The following TRARG1 variants were observed in gnomAD, a reference collection of about 807,000 sequenced individuals.
The protein encoded by TRARG1 is trafficking regulator of GLUT4 1.
TRARG1 carries 16 observed loss-of-function variants against 13.3 expected under a neutral mutation model. The observed-to-expected ratio is 1.20, with a 90% confidence interval of 0.81 to 1.83. The LOEUF is 1.83. Ranked by LOEUF, TRARG1 falls within the 40% of genes most tolerant of loss-of-function variation. The pLI is 0.00. For missense variants in TRARG1, 250 were observed against 237.4 expected, an observed-to-expected ratio of 1.05 and a Z score of -0.35; for synonymous variants, 113 against 106.2, an observed-to-expected ratio of 1.06 and a Z score of -0.39.
rs10625360 is a variant in TRARG1, at chr17:1,300,449, TACAC to T, written c.*2206_*2209del. 1.4e-3 allele frequency: 213 copies of T among 149,570 alleles called. No homozygotes were observed. Among genetic ancestry groups the T allele is most frequent in the African/African-American group, 3.5e-3 (142 of 40,850 alleles). The allele number at this position is 149,570 out of a possible 1,614,324, so 9.3% of individuals were successfully genotyped here. A position where few individuals can be genotyped will look rare whatever the true frequency, so the allele number is the denominator to read the frequency against. ...ACAAATAGGCTCTGCCGTGCACTCC[TACAC>T]ACACACACACACACACACACGCTTG... On this transcript the variant is annotated 3_prime_UTR_variant, in exon 3 of 3. Coordinates refer to ENST00000333813, the MANE Select transcript of TRARG1 (RefSeq NM_172367.3).
chr17:1,284,868 T>G (rs371256673), intron 1 of TRARG1, among the ~76,000 whole-genome samples: 5 of 151,754 alleles, frequency 3.3e-5, no homozygotes, highest in South Asian at 2.1e-4. Flanking sequence ...TTTTAGTAGA[T>G]ACGGGGTTTC....
At position 1,296,574 on chromosome 17, in the gene TRARG1, T is replaced by C. The variant is rs150247801; in HGVS notation, c.520+951T>C. On this transcript the variant is annotated intron_variant, in intron 2 of 2. Transcript: ENST00000333813. ...TTGCCCAGGCTGGACTGCAGTGGCA[T>C]GATCTCAGCTCACTGCAACCTCCAC... Among the ~76,000 whole-genome samples the C allele has an allele frequency of 7.6e-3, 1,131 of 148,300 alleles. 17 individuals carry two copies. Among genetic ancestry groups the C allele is most frequent in the African/African-American group, 0.026 (1,053 of 40,236 alleles).
intron 1 of TRARG1, among the ~76,000 whole-genome samples, chr17:1,294,322 C>A (rs1429156429): frequency 6.6e-6 from 1 of 152,082 alleles, no homozygotes; most frequent in Non-Finnish European, 1.5e-5. Flanking sequence ...TAAAACAAGG[C>A]CCCCGTGAAG....
chr17:1,283,808 C>CA (rs67263348), intron 1 of TRARG1, among the ~76,000 whole-genome samples: 85,237 of 146,840 alleles, frequency 0.58, 24,877 homozygotes, highest in Admixed American at 0.69. Context: ...GATTCTATCT[C>CA]AAAAAAAATA....
chr17:1,291,690 T>C (rs1241917137), intron 1 of TRARG1, among the ~76,000 whole-genome samples: 1 of 152,082 alleles, frequency 6.6e-6, no homozygotes, highest in Non-Finnish European at 1.5e-5. Context: ...AGATACACGT[T>C]CAAAGAGTGC....
Position 1,300,232 on chromosome 17 carries a change from C to T in TRARG1, c.*1968C>T, listed in dbSNP as rs2072145061. 6.6e-6 allele frequency: 1 copy of T among 152,308 alleles called. No homozygotes were observed. The highest frequency in any genetic ancestry group is 1.5e-5 in the Non-Finnish European group (1 of 68,110). The allele number at this position is 152,308 out of a possible 1,614,324, so 9.4% of individuals were successfully genotyped here. ...GTCGATGGAACTGGCCACGCACAGG[C>T]TCTGGCTCTGGAAGGAGGGATGATG... is the stretch of plus-strand genomic sequence containing the variant. On this transcript the variant is annotated 3_prime_UTR_variant, in exon 3 of 3. Coordinates refer to ENST00000333813, the MANE Select transcript of TRARG1 (RefSeq NM_172367.3).
At chr17:1,285,712 A>G (rs997503324) in intron 1 of TRARG1, among the ~76,000 whole-genome samples, 4 of 151,778 alleles carry the variant, frequency 2.6e-5, no homozygotes, top group East Asian at 3.9e-4. Flanking sequence ...GCAAGACTCC[A>G]TCTAAAAAAT....
chr17:1,297,908 G>A (rs1255887170), intron 2 of TRARG1, among the ~76,000 whole-genome samples: 3 of 152,246 alleles, frequency 2.0e-5, no homozygotes, highest in Non-Finnish European at 4.4e-5. Context: ...GCCGACCAGA[G>A]TGGTGCACAT....
chr17:1,290,076 A>C (rs918593783), intron 1 of TRARG1, among the ~76,000 whole-genome samples: 4 of 152,142 alleles, frequency 2.6e-5, no homozygotes, highest in African/African-American at 9.7e-5. Flanking sequence ...AAACCCATGG[A>C]TTCTATCTTC....
intron 1 of TRARG1, among the ~76,000 whole-genome samples, chr17:1,282,273 C>G (rs62090200): frequency 1.1e-5 from 1 of 92,014 alleles, no homozygotes; most frequent in Non-Finnish European, 2.4e-5. Flanking sequence ...TACATATATG[C>G]ACGTATATGT....
chr17:1,287,933 G>A lies in TRARG1; in HGVS notation c.387+7545G>A, dbSNP rs547993298. Among the ~76,000 whole-genome samples the A allele has an allele frequency of 4.6e-5, 7 of 152,064 alleles. No homozygotes were observed. The East Asian group carries it at 9.7e-4, about 21-fold the overall frequency. The stretch of plus-strand genomic sequence containing the variant: ...CTCCCACAGTGCTGGGATTACAGGC[G>A]TGAGCCACTGCACCTGGCCCTCTCA... On this transcript the variant is annotated intron_variant, in intron 1 of 2. Coordinates refer to ENST00000333813, the MANE Select transcript of TRARG1 (RefSeq NM_172367.3).
At chr17:1,286,621 T>A (rs796704383) in intron 1 of TRARG1, among the ~76,000 whole-genome samples, 15,609 of 99,740 alleles carry the variant, frequency 0.16, 1,396 homozygotes, top group African/African-American at 0.27. Context: ...TGTGGGGTGT[T>A]GTTTTCGGCC....
intron 2 of TRARG1, 111 bp downstream of exon 2, chr17:1,295,734 GCTGGTGGGGGCCCCGGC>G: frequency 7.3e-7 from 1 of 1,376,702 alleles, no homozygotes; most frequent in African/African-American, 1.5e-5. Flanking sequence ...AAGGAGAAGG[GCTGGTGGGGGCCCCGGC>G]CTTATCCTCC....
intron 1 of TRARG1, among the ~76,000 whole-genome samples, chr17:1,285,857 G>A (rs1598189951): frequency 6.6e-6 from 1 of 152,150 alleles, no homozygotes; most frequent in Non-Finnish European, 1.5e-5. Context: ...TTGAAAAGGA[G>A]ATTCCAGGAG....
In TRARG1 at chr17:1,280,924, G is replaced by A. The variant is rs375097736; in HGVS notation, c.387+536G>A. Among the ~76,000 whole-genome samples, 14 of 152,306 alleles carry A rather than the reference G, an allele frequency of 9.2e-5. 1 individual carries two copies. The East Asian group carries it at 2.5e-3, about 27-fold the overall frequency. ...CCGGGGCCAGGCTCCCCCGAGGGGC[G>A]CACAAAGCGGGGAGAGCTGGCAGAC... is the stretch of plus-strand genomic sequence containing the variant. On this transcript the variant is annotated intron_variant, in intron 1 of 2. Transcript: ENST00000333813.
rs2072129727 is a variant in TRARG1, at chr17:1,298,605, A to G, written c.*341A>G. On this transcript the variant is annotated 3_prime_UTR_variant, in exon 3 of 3. Transcript: ENST00000333813. ...GAAAACTGCCAGGATGAATGAGGAA[A>G]AAACCCAGCCCCACAAACGAGACAC... The G allele has an allele frequency of 3.0e-6, 1 of 334,030 alleles. No individual in the cohort carries two copies. Among genetic ancestry groups the G allele is most frequent in the Non-Finnish European group, 5.4e-6 (1 of 184,770 alleles). The allele number at this position is 334,030 out of a possible 1,614,324, so 20.7% of individuals were successfully genotyped here. A position where few individuals can be genotyped will look rare whatever the true frequency, so the allele number is the denominator to read the frequency against.
At chr17:1,283,769 A>T (rs972938315) in intron 1 of TRARG1, among the ~76,000 whole-genome samples, 1 of 150,896 alleles carries the variant, frequency 6.6e-6, no homozygotes, top group African/African-American at 2.4e-5. Context: ...AGATCCAGCC[A>T]CTATACTCCA....
At chr17:1,295,003 G>T (rs111897792) in intron 1 of TRARG1, among the ~76,000 whole-genome samples, 9 of 152,240 alleles carry the variant, frequency 5.9e-5, no homozygotes, top group African/African-American at 1.9e-4. Flanking sequence ...TCTTTTTATG[G>T]AGGCAGGGGT....
chr17:1,289,800 C>T (rs1019780314), intron 1 of TRARG1, among the ~76,000 whole-genome samples: 48 of 152,110 alleles, frequency 3.2e-4, no homozygotes, highest in Admixed American at 1.2e-3. Flanking sequence ...AGTCCAGCTA[C>T]ATACTCATGG....
Sources: gnomAD v4.1 joint callset for allele counts (sites outside exome capture counted in the v4.1 genomes callset) on GRCh38, gnomAD v4.1.1 for gene constraint, MANE v1.5 for transcripts, NCBI Gene and HGNC (gene_info 2026-07-23, HGNC 2026-07-21) for gene names.